SLC8A1: variants seen among roughly 807,000 people sequenced by gnomAD.
The protein encoded by SLC8A1 is sodium/calcium exchanger 1.
SLC8A1 carries 18 observed loss-of-function variants against 68.3 expected under a neutral mutation model. That is an observed-to-expected ratio of 0.26 (90% CI 0.18 to 0.39). The LOEUF is 0.39. Ranked by LOEUF, SLC8A1 falls within the 10% of genes least tolerant of loss-of-function variation. The probability of loss-of-function intolerance (pLI) is 1.00; values close to 1 mark genes in which losing one functional copy is unlikely to be tolerated. For missense variants in SLC8A1, 985 were observed against 1,156.7 expected (o/e 0.85, Z 2.15); for synonymous variants, 475 against 415.5 (o/e 1.14, Z -1.74).
intron 1 of SLC8A1, among the ~76,000 whole-genome samples, chr2:40,511,905 C>G (rs1273472947): frequency 6.6e-6 from 1 of 152,106 alleles, no homozygotes; most frequent in African/African-American, 2.4e-5. Flanking sequence ...CTTCCTATGT[C>G]TAAGGAAGAA....
At chr2:40,450,461 G>C (rs987414322) in intron 1 of SLC8A1, among the ~76,000 whole-genome samples, 3 of 151,834 alleles carry the variant, frequency 2.0e-5, no homozygotes, top group African/African-American at 7.3e-5. Context: ...GGAAATCTTC[G>C]CACAAGTCTC....
intron 2 of SLC8A1, among the ~76,000 whole-genome samples, chr2:40,303,490 A>G (rs1178383051): frequency 6.6e-6 from 1 of 152,174 alleles, no homozygotes; most frequent in African/African-American, 2.4e-5. Context: ...CATGTTAAAG[A>G]CAAAATACTC....
intron 1 of SLC8A1, among the ~76,000 whole-genome samples, chr2:40,500,702 T>C (rs1380796115): frequency 6.6e-6 from 1 of 151,788 alleles, no homozygotes; most frequent in Non-Finnish European, 1.5e-5. Context: ...AGTGTCATTA[T>C]TAATAGCTCC....
chr2:40,345,683 T>C (rs554881555), intron 2 of SLC8A1, among the ~76,000 whole-genome samples: 2 of 152,144 alleles, frequency 1.3e-5, no homozygotes, highest in African/African-American at 4.8e-5. Context: ...AATAAGTTCA[T>C]GCCATTTGCA....
intron 2 of SLC8A1, among the ~76,000 whole-genome samples, chr2:40,230,299 C>A (rs759012467): frequency 2.0e-5 from 3 of 152,172 alleles, no homozygotes. Flanking sequence ...GCCTGTGACA[C>A]ATAAGCTTCT....
intron 2 of SLC8A1, among the ~76,000 whole-genome samples, chr2:40,361,645 T>G (rs909766315): frequency 6.6e-6 from 1 of 151,972 alleles, no homozygotes; most frequent in Non-Finnish European, 1.5e-5. Flanking sequence ...GCCTATAAAC[T>G]AAGAGCAGCA....
At chr2:40,188,286 AT>A (rs140892106) in intron 2 of SLC8A1, among the ~76,000 whole-genome samples, 18,107 of 152,238 alleles carry the variant, frequency 0.12, 1,179 homozygotes, top group African/African-American at 0.13. Flanking sequence ...AGAAAATAAT[AT>A]TTTAACAAAA....
At chr2:40,338,142 A>AT (rs986325266) in intron 2 of SLC8A1, among the ~76,000 whole-genome samples, 2 of 152,032 alleles carry the variant, frequency 1.3e-5, no homozygotes, top group African/African-American at 4.8e-5. Flanking sequence ...CCTTTATCCA[A>AT]TAAGGCTACA....
intron 2 of SLC8A1, among the ~76,000 whole-genome samples, chr2:40,415,426 GAAAAAAA>G (rs564724684): frequency 1.5e-5 from 2 of 137,278 alleles, no homozygotes; most frequent in African/African-American, 5.4e-5. Context: ...AATCCATATG[GAAAAAAA>G]AAAAAAAGAA....
At chr2:40,212,375 C>G (rs532312994) in intron 2 of SLC8A1, among the ~76,000 whole-genome samples, 6 of 148,928 alleles carry the variant, frequency 4.0e-5, no homozygotes, top group African/African-American at 1.5e-4. Context: ...ACCTCTGCCT[C>G]CCGGGTTCAA....
intron 1 of SLC8A1, among the ~76,000 whole-genome samples, chr2:40,461,266 G>C (rs1703323787): frequency 6.6e-6 from 1 of 152,138 alleles, no homozygotes; most frequent in South Asian, 2.1e-4. Context: ...ACCAGGCAGA[G>C]AGGATATTTC....
At chr2:40,238,512 C>T (rs140083192) in intron 2 of SLC8A1, among the ~76,000 whole-genome samples, 2 of 152,252 alleles carry the variant, frequency 1.3e-5, no homozygotes, top group Non-Finnish European at 2.9e-5. Flanking sequence ...TCTGGCACTC[C>T]CTAGTGAGAT....
chr2:40,328,417 T>G (rs989371718), intron 2 of SLC8A1, among the ~76,000 whole-genome samples: 1 of 152,148 alleles, frequency 6.6e-6, no homozygotes, highest in African/African-American at 2.4e-5. Flanking sequence ...TAAATTCATC[T>G]TCCTCCAACC....
chr2:40,253,240 T>C (rs947601762), intron 2 of SLC8A1, among the ~76,000 whole-genome samples: 65 of 150,214 alleles, frequency 4.3e-4, no homozygotes, highest in African/African-American at 1.5e-3. Flanking sequence ...TACATGTGCG[T>C]ATATACACAT....
chr2:40,510,446 C>T (rs189302458), intron 1 of SLC8A1, among the ~76,000 whole-genome samples: 6 of 152,264 alleles, frequency 3.9e-5, no homozygotes, highest in East Asian at 1.9e-4. Flanking sequence ...AGTAGGCAAA[C>T]GAGAAGATAG....
chr2:40,103,638 A>C (rs1439913904), exon 8 of SLC8A1: 3 of 152,208 alleles, frequency 2.0e-5, no homozygotes, highest in Non-Finnish European at 2.9e-5. Flanking sequence ...GTATGAACTT[A>C]AAGTTTTCAT....
intron 7 of SLC8A1, among the ~76,000 whole-genome samples, chr2:40,129,820 G>T (rs2148191774): frequency 6.6e-6 from 1 of 152,272 alleles, no homozygotes; most frequent in South Asian, 2.1e-4. Context: ...TATGTAAGAA[G>T]GCCTAGATAG....
intron 1 of SLC8A1, among the ~76,000 whole-genome samples, chr2:40,431,299 C>G (rs1173910525): frequency 6.6e-6 from 1 of 152,032 alleles, no homozygotes; most frequent in Non-Finnish European, 1.5e-5. Flanking sequence ...CATATTAGTT[C>G]TGTCGAGGGT....
intron 1 of SLC8A1, among the ~76,000 whole-genome samples, chr2:40,463,431 T>G (rs1008218198): frequency 2.6e-5 from 4 of 152,236 alleles, no homozygotes; most frequent in East Asian, 1.9e-4. Context: ...AGGTGATATC[T>G]GCTTCATTCT....
Sources: gnomAD v4.1 joint callset for allele counts (sites outside exome capture counted in the v4.1 genomes callset) on GRCh38, gnomAD v4.1.1 for gene constraint, MANE v1.5 for transcripts, NCBI Gene and HGNC (gene_info 2026-07-23, HGNC 2026-07-21) for gene names.